ZNF678: variants seen among roughly 807,000 people sequenced by gnomAD.
ZNF678 encodes the protein zinc finger protein 678, also known as hypothetical protein MGC42493.
In ZNF678, 5 loss-of-function variants were observed where a neutral mutation model predicts 3.0. The observed-to-expected ratio is 1.69, with a 90% CI of 0.88 to 3.56. The LOEUF is 3.56. Among genes scored for constraint, ZNF678 ranks in the 30% most tolerant of loss-of-function variants. The probability of loss-of-function intolerance (pLI) is 0.00; values close to 1 mark genes in which losing one functional copy is unlikely to be tolerated. For missense variants in ZNF678, 593 were observed against 605.0 expected, an observed-to-expected ratio of 0.98 and a Z score of 0.21; for synonymous variants, 218 against 199.6, an observed-to-expected ratio of 1.09 and a Z score of -0.78.
intron 1 of ZNF678, among the ~76,000 whole-genome samples, chr1:227,573,128 G>A (rs993098682): frequency 6.6e-6 from 1 of 152,214 alleles, no homozygotes; most frequent in Non-Finnish European, 1.5e-5. Flanking sequence ...CAATCAGGGA[G>A]TGGAAACAGT....
intron 1 of ZNF678, among the ~76,000 whole-genome samples, chr1:227,629,729 T>C (rs1482877272): frequency 6.6e-6 from 1 of 152,208 alleles, no homozygotes; most frequent in Non-Finnish European, 1.5e-5. Context: ...TCAGAGGACC[T>C]TCATACCCTG....
In ZNF678 at chr1:227,646,536, C is replaced by A. The variant is rs774181697; in HGVS notation, c.-163-8C>A. 4 of 1,369,914 alleles carry A rather than the reference C, an allele frequency of 2.9e-6. No homozygotes were observed. The East Asian group carries it at 1.8e-4, about 62-fold the overall frequency. 84.9% of individuals were successfully genotyped at this position (1,369,914 alleles called of 1,614,324 possible). Reference sequence around the variant, plus strand: ...TTGTAAATACGTGTGTATTTTTCCCCCCCCCAGGGACTACTGGCATTCAGT... The same window carrying A: ...TTGTAAATACGTGTGTATTTTTCCCACCCCCAGGGACTACTGGCATTCAGT... On this transcript the variant is annotated splice_region_variant and splice_polypyrimidine_tract_variant and intron_variant, in intron 1 of 3. Coordinates refer to ENST00000343776, the MANE Select transcript of ZNF678 (RefSeq NM_001367909.1).
In ZNF678 at chr1:227,583,215, A is replaced by G. The variant is rs899936133; in HGVS notation, c.-164+19491A>G. Among the ~76,000 whole-genome samples, 4 of 152,226 alleles carry G rather than the reference A, an allele frequency of 2.6e-5. No homozygotes were observed. In the East Asian group the frequency reaches 7.7e-4, roughly 29 times the overall value. On this transcript the variant is annotated intron_variant, in intron 1 of 3. Transcript: ENST00000343776. ...CACAGCATACCTGATGTCTTATTCC[A>G]TGTATGATTCAGTAGACATCCAGGC...
intron 1 of ZNF678, among the ~76,000 whole-genome samples, chr1:227,626,208 C>T (rs6669236): frequency 0.22 from 32,757 of 151,986 alleles, 4,001 homozygotes; most frequent in African/African-American, 0.33. Context: ...ACTTTCCTCA[C>T]GGTTGTCGCT....
chr1:227,580,750 A>G (rs1488162190), intron 1 of ZNF678, among the ~76,000 whole-genome samples: 1 of 151,984 alleles, frequency 6.6e-6, no homozygotes, highest in African/African-American at 2.4e-5. Context: ...ACCAACTACT[A>G]AAAATACCCG....
intron 1 of ZNF678, among the ~76,000 whole-genome samples, chr1:227,589,868 A>G (rs1290361422): frequency 6.6e-6 from 1 of 151,644 alleles, no homozygotes; most frequent in Non-Finnish European, 1.5e-5. Context: ...CTTTCTTTGG[A>G]AGCAGAAATT....
chr1:227,615,459 A>G (rs560964926), intron 1 of ZNF678, among the ~76,000 whole-genome samples: 32 of 152,252 alleles, frequency 2.1e-4, no homozygotes, highest in African/African-American at 7.7e-4. Context: ...TTTTGTACCT[A>G]TGATATCACC....
intron 1 of ZNF678, among the ~76,000 whole-genome samples, chr1:227,571,873 T>G (rs981943300): frequency 1.3e-5 from 2 of 152,166 alleles, no homozygotes; most frequent in African/African-American, 4.8e-5. Flanking sequence ...AAACCCCGTC[T>G]CTACTAAAAA....
At chr1:227,598,743 G>T (rs922278208) in intron 1 of ZNF678, 50 of 526,850 alleles carry the variant, frequency 9.5e-5, no homozygotes, top group African/African-American at 9.3e-4. Flanking sequence ...GCTTTCAGAA[G>T]ATTTATGTCA....
rs1402504908 is a variant in ZNF678 at position 227,646,481 on chromosome 1, T to C, written c.-163-63T>C. 3.8e-6 allele frequency: 5 copies of C among 1,330,146 alleles called. No homozygotes were observed. In the Admixed American group the frequency reaches 1.1e-4, roughly 29 times the overall value. 82.4% of individuals were successfully genotyped at this position (1,330,146 alleles called of 1,614,324 possible). On this transcript the variant is annotated intron_variant, in intron 1 of 3. Transcript: ENST00000343776. ...TTCACTTTACTCTCTTCAGTTGGAG[T>C]CAAATTAAGAACTCTGCCCATGGCA...
intron 1 of ZNF678, 89 bp downstream of exon 1, chr1:227,563,813 C>T: frequency 8.3e-7 from 1 of 1,210,312 alleles, no homozygotes; most frequent in South Asian, 1.3e-5. Context: ...CCGGCTGGCA[C>T]CTGTGGGATC....
intron 1 of ZNF678, among the ~76,000 whole-genome samples, chr1:227,642,666 A>C (rs1558152587): frequency 6.6e-6 from 1 of 151,920 alleles, no homozygotes; most frequent in Non-Finnish European, 1.5e-5. Flanking sequence ...ATATCAGCCT[A>C]GGCTTACTGG....
chr1:227,650,978 T>G lies in ZNF678; in HGVS notation c.-14T>G. ...TAGGACTTCCAGGACTATGTTAAAA[T>G]AGAAGCATTGATAATGGGCACAATA... On this transcript the variant is annotated 5_prime_UTR_variant, in exon 3 of 4. It removes the in-frame stop codon of an upstream open reading frame in the 5' UTR. Coordinates refer to ENST00000343776, the MANE Select transcript of ZNF678 (RefSeq NM_001367909.1). The G allele has an allele frequency of 1.9e-6, 3 of 1,611,850 alleles. No individual in the cohort carries two copies. Among genetic ancestry groups the G allele is most frequent in the Non-Finnish European group, 2.5e-6 (3 of 1,179,454 alleles).
chr1:227,584,689 G>A (rs780025197), intron 1 of ZNF678, among the ~76,000 whole-genome samples: 4 of 152,232 alleles, frequency 2.6e-5, no homozygotes, highest in Non-Finnish European at 5.9e-5. Context: ...AATACAGACA[G>A]TATGGATAAG....
intron 1 of ZNF678, among the ~76,000 whole-genome samples, chr1:227,580,440 A>AT (rs1402464782): frequency 5.9e-5 from 9 of 152,308 alleles, no homozygotes; most frequent in African/African-American, 2.2e-4. Flanking sequence ...GACAGAAATT[A>AT]TATCCATATT....
downstream of ZNF678, among the ~76,000 whole-genome samples, chr1:227,663,376 T>G (rs1659448707): frequency 6.6e-6 from 1 of 152,194 alleles, no homozygotes; most frequent in South Asian, 2.1e-4. Flanking sequence ...CAGCTTTGAT[T>G]ATGAAATAAC....
intron 3 of ZNF678, among the ~76,000 whole-genome samples, chr1:227,652,522 A>G (rs1659114409): frequency 6.6e-6 from 1 of 151,478 alleles, no homozygotes; most frequent in African/African-American, 2.4e-5. Flanking sequence ...CATTGCTTCT[A>G]CTCTCTTCTT....
intron 1 of ZNF678, among the ~76,000 whole-genome samples, chr1:227,623,047 G>A (rs1658319299): frequency 6.6e-6 from 1 of 152,196 alleles, no homozygotes; most frequent in Admixed American, 6.5e-5. Context: ...GCCCCTCTAT[G>A]TACTACAGCT....
At chr1:227,590,203 C>T (rs184988942) in intron 1 of ZNF678, among the ~76,000 whole-genome samples, 18 of 151,842 alleles carry the variant, frequency 1.2e-4, no homozygotes, top group South Asian at 4.2e-4. Context: ...GGGTCAAATC[C>T]GTGCCACACT....
Sources: allele counts gnomAD v4.1 joint callset (sites outside exome capture counted in the v4.1 genomes callset), GRCh38; gene constraint gnomAD v4.1.1; transcripts MANE v1.5; gene names NCBI Gene and HGNC (gene_info 2026-07-23, HGNC 2026-07-21).